The following ZHX2 variants were observed in gnomAD, a reference collection of about 807,000 sequenced individuals.
The protein encoded by ZHX2 is zinc fingers and homeoboxes 2, also known as zinc fingers and homeoboxes protein 2.
Under a neutral mutation model 21.9 loss-of-function variants are expected in ZHX2, and 6 were observed. That is an observed-to-expected ratio of 0.27 (90% confidence interval 0.15 to 0.54). ZHX2 has a LOEUF of 0.54. ZHX2 is among the 20% of genes least tolerant of loss of function. ZHX2 has a pLI of 0.95. For synonymous variants in ZHX2, 434 were observed against 437.1 expected, an observed-to-expected ratio of 0.99 and a Z score of 0.09; for missense variants, 908 against 1,090.7, an observed-to-expected ratio of 0.83 and a Z score of 2.36.
chr8:122,961,633 G>T (rs1813451157), intron 3 of ZHX2, among the ~76,000 whole-genome samples: 1 of 152,176 alleles, frequency 6.6e-6, no homozygotes. Flanking sequence ...TCACAAGGTG[G>T]CAGGAAGAAG....
chr8:122,802,329 C>T (rs111290182), intron 1 of ZHX2, among the ~76,000 whole-genome samples: 4 of 152,288 alleles, frequency 2.6e-5, no homozygotes, highest in South Asian at 2.1e-4. Context: ...TCCCAAAGTG[C>T]GGGGGTTAGA....
At chr8:122,783,470 C>G (rs1817333195) in intron 1 of ZHX2, among the ~76,000 whole-genome samples, 1 of 152,030 alleles carries the variant, frequency 6.6e-6, no homozygotes. Context: ...CCAGACCTCC[C>G]ACAATTACCC....
chr8:122,782,733 G>A lies in ZHX2; in HGVS notation c.-283+787G>A, dbSNP rs1447140943. ...GGTGCAGGGGGAGTCCGCGCGGGGC[G>A]GGGGGCCGAGGGCGGCCGCGGGACC... is the stretch of plus-strand genomic sequence containing the variant. On this transcript the variant is annotated intron_variant, in intron 1 of 3. Transcript: ENST00000314393. This position sits in a 1 kb window ranked among gnomAD's most constrained non-coding sequence, Gnocchi z 5.3. Among the ~76,000 whole-genome samples the A allele has an allele frequency of 6.6e-6, 1 of 152,026 alleles. No individual in the cohort carries two copies. The highest frequency in any genetic ancestry group is 2.4e-5 in the African/African-American group (1 of 41,438).
chr8:122,842,828 G>C (rs1255343146), intron 1 of ZHX2, among the ~76,000 whole-genome samples: 1 of 152,252 alleles, frequency 6.6e-6, no homozygotes, highest in Non-Finnish European at 1.5e-5. Flanking sequence ...TGATCAGCCA[G>C]ATTTGGCAGT....
intron 1 of ZHX2, among the ~76,000 whole-genome samples, chr8:122,791,349 G>A (rs918332489): frequency 6.6e-5 from 10 of 152,146 alleles, no homozygotes; most frequent in African/African-American, 9.7e-5. Context: ...TTTCACCCAC[G>A]TCAGGCTGGT....
chr8:122,962,876 G>C (rs1813490147), intron 3 of ZHX2, among the ~76,000 whole-genome samples: 1 of 152,110 alleles, frequency 6.6e-6, no homozygotes, highest in African/African-American at 2.4e-5. Flanking sequence ...CTGATAATGA[G>C]TGATGTTGAG....
intron 1 of ZHX2, among the ~76,000 whole-genome samples, chr8:122,790,504 A>G (rs964058625): frequency 8.5e-5 from 13 of 152,132 alleles, no homozygotes; most frequent in Admixed American, 7.9e-4. Context: ...TCTGCTGCCC[A>G]TTGTCATGCT....
At chr8:122,805,680 T>A (rs1817808513) in intron 1 of ZHX2, among the ~76,000 whole-genome samples, 1 of 152,146 alleles carries the variant, frequency 6.6e-6, no homozygotes, top group African/African-American at 2.4e-5. Context: ...CTGTCGTGGG[T>A]AGATTGCCAG....
At chr8:122,921,367 A>T (rs1322565632) in intron 2 of ZHX2, among the ~76,000 whole-genome samples, 2 of 152,058 alleles carry the variant, frequency 1.3e-5, no homozygotes. Flanking sequence ...TACAGGCATG[A>T]CCTACCGTGC....
At chr8:122,830,258 T>C (rs1163834914) in intron 1 of ZHX2, among the ~76,000 whole-genome samples, 1 of 152,230 alleles carries the variant, frequency 6.6e-6, no homozygotes, top group African/African-American at 2.4e-5. Flanking sequence ...TGCTACGTTG[T>C]ACCCAGATGG....
chr8:122,938,005 G>A (rs1413927065), intron 2 of ZHX2, among the ~76,000 whole-genome samples: 4 of 126,600 alleles, frequency 3.2e-5, no homozygotes, highest in Non-Finnish European at 4.7e-5. Flanking sequence ...GCGAGATCCC[G>A]GCTCACTGCA....
chr8:122,944,509 C>A (rs538541621), intron 2 of ZHX2, among the ~76,000 whole-genome samples: 1 of 152,280 alleles, frequency 6.6e-6, no homozygotes, highest in South Asian at 2.1e-4. Flanking sequence ...TCCACACGTT[C>A]CACTGTCACC....
intron 1 of ZHX2, among the ~76,000 whole-genome samples, chr8:122,833,672 G>T (rs555536697): frequency 3.4e-4 from 52 of 152,132 alleles, no homozygotes; most frequent in African/African-American, 1.2e-3. Flanking sequence ...CTCTGCCTAG[G>T]AGCGGAGTTG....
chr8:122,893,808 C>T (rs1374526187), intron 2 of ZHX2, among the ~76,000 whole-genome samples: 2 of 152,190 alleles, frequency 1.3e-5, no homozygotes, highest in Non-Finnish European at 2.9e-5. Context: ...TCTCTTCAGA[C>T]ATTTTGTAGA....
At chr8:122,841,639 G>C (rs1359810122) in intron 1 of ZHX2, among the ~76,000 whole-genome samples, 1 of 152,184 alleles carries the variant, frequency 6.6e-6, no homozygotes, top group East Asian at 1.9e-4. Flanking sequence ...ATTGTTCTCT[G>C]ATTGCTTTGA....
At chr8:122,907,063 C>T (rs902609225) in intron 2 of ZHX2, among the ~76,000 whole-genome samples, 19 of 152,284 alleles carry the variant, frequency 1.2e-4, no homozygotes, top group African/African-American at 4.1e-4. Context: ...CCTATTCGAT[C>T]GCAGTGGTCA....
chr8:122,960,769 C>A (rs1351213585), intron 3 of ZHX2, among the ~76,000 whole-genome samples: 1 of 152,108 alleles, frequency 6.6e-6, no homozygotes, highest in East Asian at 1.9e-4. Flanking sequence ...TAGGTGGACT[C>A]ACATATAATC....
At chr8:122,878,892 A>G (rs1420657610) in intron 2 of ZHX2, among the ~76,000 whole-genome samples, 1 of 152,062 alleles carries the variant, frequency 6.6e-6, no homozygotes, top group Non-Finnish European at 1.5e-5. Context: ...TCAAAGTGAG[A>G]CCTTGACATT....
chr8:122,913,321 C>A (rs748648501), intron 2 of ZHX2, among the ~76,000 whole-genome samples: 1 of 152,186 alleles, frequency 6.6e-6, no homozygotes, highest in Non-Finnish European at 1.5e-5. Context: ...AATAGTGCTG[C>A]TATGAACACT....
Sources: gnomAD v4.1 joint callset for allele counts (sites outside exome capture counted in the v4.1 genomes callset) on GRCh38, gnomAD v4.1.1 for gene constraint, Gnocchi (gnomAD v3.1) non-coding constraint, MANE v1.5 for transcripts, NCBI Gene and HGNC (gene_info 2026-07-23, HGNC 2026-07-21) for gene names.